Variants in SPAG16 observed in about 807,000 individuals in gnomAD.
SPAG16 encodes the protein sperm-associated antigen 16 protein.
A neutral mutation model predicts 80.4 loss-of-function variants in SPAG16; 86 were observed. The observed-to-expected ratio is 1.07, with a 90% CI of 0.90 to 1.28. The LOEUF (loss-of-function observed/expected upper bound fraction) is 1.28. Among genes scored for constraint, SPAG16 ranks in the 50% most tolerant of loss-of-function variants. The pLI is 0.00. For synonymous variants in SPAG16, 294 were observed against 265.9 expected (o/e 1.11, Z -1.03); for missense variants, 870 against 765.3 (o/e 1.14, Z -1.61).
chr2:213,681,575 T>C (rs965965443), intron 10 of SPAG16, among the ~76,000 whole-genome samples: 8 of 152,152 alleles, frequency 5.3e-5, no homozygotes, highest in African/African-American at 1.9e-4. Context: ...GAGCTGCTTC[T>C]GAGACAGGCA....
chr2:213,575,083 A>G (rs1202111316), intron 10 of SPAG16, among the ~76,000 whole-genome samples: 2 of 152,122 alleles, frequency 1.3e-5, no homozygotes, highest in African/African-American at 4.8e-5. Flanking sequence ...CTAAAACTCT[A>G]TGAAACATTA....
chr2:213,893,387 T>C (rs1177504354), intron 11 of SPAG16, among the ~76,000 whole-genome samples: 4 of 152,162 alleles, frequency 2.6e-5, no homozygotes, highest in Non-Finnish European at 4.4e-5. Context: ...TAAAACCCAC[T>C]GTTATAATTA....
intron 11 of SPAG16, among the ~76,000 whole-genome samples, chr2:213,866,782 A>C (rs1366333036): frequency 6.6e-6 from 1 of 152,236 alleles, no homozygotes; most frequent in East Asian, 1.9e-4. Flanking sequence ...ATGGAAGCTT[A>C]ATTACTTCTC....
chr2:214,307,351 A>G (rs1694989665), intron 15 of SPAG16, among the ~76,000 whole-genome samples: 1 of 151,856 alleles, frequency 6.6e-6, no homozygotes, highest in Non-Finnish European at 1.5e-5. Context: ...CTCCTGGTTC[A>G]TTGATCTTTT....
intron 13 of SPAG16, among the ~76,000 whole-genome samples, chr2:214,047,007 T>C (rs1433550729): frequency 6.6e-6 from 1 of 151,590 alleles, no homozygotes. Context: ...AAATGAAAAC[T>C]ATAAAAAATT....
At chr2:213,647,514 G>T (rs1258112294) in intron 10 of SPAG16, among the ~76,000 whole-genome samples, 2 of 151,116 alleles carry the variant, frequency 1.3e-5, no homozygotes, top group African/African-American at 4.9e-5. Flanking sequence ...GGGATGGTGT[G>T]TTTCCTCTGC....
chr2:213,539,683 A>G (rs2076365024), intron 10 of SPAG16, among the ~76,000 whole-genome samples: 1 of 152,236 alleles, frequency 6.6e-6, no homozygotes, highest in South Asian at 2.1e-4. Context: ...AGTGAACACT[A>G]CAGTTGTCCT....
chr2:213,947,601 C>T (rs2079532486), intron 12 of SPAG16, among the ~76,000 whole-genome samples: 1 of 152,022 alleles, frequency 6.6e-6, no homozygotes, highest in African/African-American at 2.4e-5. Flanking sequence ...CATCGTTTGT[C>T]CTTTAGGTCA....
chr2:213,563,847 C>G (rs1446844180), intron 10 of SPAG16, among the ~76,000 whole-genome samples: 1 of 152,146 alleles, frequency 6.6e-6, no homozygotes, highest in African/African-American at 2.4e-5. Flanking sequence ...TACATGGCTT[C>G]TTTTGGTTTT....
intron 9 of SPAG16, among the ~76,000 whole-genome samples, chr2:213,394,657 T>A (rs932671600): frequency 9.8e-5 from 15 of 152,292 alleles, no homozygotes; most frequent in Non-Finnish European, 1.9e-4. Flanking sequence ...GTAATTTTTT[T>A]AATTTTAAGA....
At chr2:213,339,714 A>G (rs1044549825) in intron 5 of SPAG16, among the ~76,000 whole-genome samples, 6 of 152,202 alleles carry the variant, frequency 3.9e-5, no homozygotes, top group African/African-American at 1.4e-4. Context: ...TTTCCCAATT[A>G]TCAGAACTGA....
intron 13 of SPAG16, among the ~76,000 whole-genome samples, chr2:214,027,123 G>T (rs1368046457): frequency 6.6e-6 from 1 of 151,362 alleles, no homozygotes; most frequent in Non-Finnish European, 1.5e-5. Flanking sequence ...AAAGTACTTA[G>T]AAACACACCC....
intron 11 of SPAG16, among the ~76,000 whole-genome samples, chr2:213,885,147 G>A (rs1428294072): frequency 2.0e-5 from 3 of 152,176 alleles, no homozygotes. Flanking sequence ...ATTTCTGGAT[G>A]TTTTTAGACA....
chr2:213,333,573 G>A (rs184694853), intron 5 of SPAG16, among the ~76,000 whole-genome samples: 43 of 152,070 alleles, frequency 2.8e-4, no homozygotes, highest in African/African-American at 3.6e-4. Context: ...GAACAAAACC[G>A]GAGGAATCAC....
intron 12 of SPAG16, among the ~76,000 whole-genome samples, chr2:213,971,792 CA>C (rs2045073034): frequency 6.6e-6 from 1 of 151,864 alleles, no homozygotes; most frequent in Non-Finnish European, 1.5e-5. Context: ...GTGGCTATAT[CA>C]TTTTATATTC....
chr2:213,778,381 T>C (rs954002468), intron 10 of SPAG16, among the ~76,000 whole-genome samples: 6 of 152,176 alleles, frequency 3.9e-5, no homozygotes, highest in South Asian at 4.1e-4. Context: ...ACTTAAAAAA[T>C]AGACTTAATT....
At chr2:213,437,051 A>T (rs2070684454) in intron 9 of SPAG16, among the ~76,000 whole-genome samples, 1 of 151,878 alleles carries the variant, frequency 6.6e-6, no homozygotes, top group Non-Finnish European at 1.5e-5. Flanking sequence ...AGCTGGGATT[A>T]CAGGCACCCA....
chr2:213,511,494 A>G (rs551299504), intron 10 of SPAG16, among the ~76,000 whole-genome samples: 2 of 152,266 alleles, frequency 1.3e-5, no homozygotes, highest in African/African-American at 4.8e-5. Flanking sequence ...TCAATTTAAG[A>G]AAATAAATGT....
chr2:213,433,653 G>T (rs775582949), intron 9 of SPAG16, among the ~76,000 whole-genome samples: 1 of 151,958 alleles, frequency 6.6e-6, no homozygotes, highest in African/African-American at 2.4e-5. Context: ...AAAATTAATG[G>T]TATTAAAATG....
Sources: gnomAD v4.1 joint callset for allele counts (sites outside exome capture counted in the v4.1 genomes callset) on GRCh38, gnomAD v4.1.1 for gene constraint, MANE v1.5 for transcripts, NCBI Gene and HGNC (gene_info 2026-07-23, HGNC 2026-07-21) for gene names.